Variants in RUBCN observed in about 807,000 individuals in gnomAD.
RUBCN encodes the protein run domain Beclin-1-interacting and cysteine-rich domain-containing protein.
RUBCN carries 74 observed loss-of-function variants against 113.2 expected under a neutral mutation model. The ratio of observed to expected loss-of-function variants is 0.65; its 90% CI spans 0.54 to 0.79. The LOEUF (loss-of-function observed/expected upper bound fraction) is 0.79. Among genes scored for constraint, RUBCN ranks in the 30% least tolerant of loss-of-function variants. The probability of loss-of-function intolerance (pLI) is 0.00; values close to 1 mark genes in which losing one functional copy is unlikely to be tolerated. For synonymous variants in RUBCN, 480 were observed against 490.0 expected (o/e 0.98, Z 0.27); for missense variants, 1,109 against 1,251.7 (o/e 0.89, Z 1.72).
At position 197,705,165 on chromosome 3, in the gene RUBCN, C is replaced by G. The variant is rs61743568; in HGVS notation, c.230G>C (p.Arg77Pro). Reference sequence around the variant, plus strand: ...CACGAACTGCCAGTAATCCGTCTGGCGGCGGCACGCCTGCAAAGGGAACAC... The same window carrying G: ...CACGAACTGCCAGTAATCCGTCTGGGGGCGGCACGCCTGCAAAGGGAACAC... ...HGLIRDQACR[R>P]QTDYWQFVKD... is the part of the protein sequence containing the mutation. Residue 77 changes from arginine (R) to proline (P), a missense_variant, in exon 3 of 20, where the codon CGC (arginine) becomes CCC (proline). This residue lies in a region of RUBCN where 736 missense variants were observed against 779.6 expected (regional missense o/e 0.94). Coordinates refer to ENST00000296343, the MANE Select transcript of RUBCN (RefSeq NM_014687.4). The G allele has an allele frequency of 6.2e-7, 1 of 1,613,808 alleles. No individual in the cohort carries two copies. Among genetic ancestry groups the G allele is most frequent in the Non-Finnish European group, 8.5e-7 (1 of 1,179,784 alleles).
At chr3:197,703,678 G>C in intron 4 of RUBCN, 24 bp from the exon 5 acceptor site, 1 of 1,491,496 alleles carries the variant, frequency 6.7e-7, no homozygotes, top group Non-Finnish European at 9.3e-7. Context: ...AGCTGCCACA[G>C]TGATAGAGCC....
intron 11 of RUBCN, 35 bp from the exon 12 acceptor site, chr3:197,684,252 G>C: frequency 6.4e-7 from 1 of 1,559,372 alleles, no homozygotes; most frequent in Non-Finnish European, 8.8e-7. Flanking sequence ...GAGCGCAATG[G>C]AAACGGGGTG....
Position 197,696,948 on chromosome 3 carries a change from A to G in RUBCN, c.1357+6T>C. The G allele has an allele frequency of 6.6e-7, 1 of 1,515,674 alleles. No individual in the cohort carries two copies. Among genetic ancestry groups the G allele is most frequent in the Non-Finnish European group, 9.2e-7 (1 of 1,090,244 alleles). 93.9% of individuals were successfully genotyped at this position (1,515,674 alleles called of 1,614,324 possible). A position where few individuals can be genotyped will look rare whatever the true frequency, so the allele number is the denominator to read the frequency against. On this transcript the variant is annotated splice_donor_region_variant and intron_variant, in intron 8 of 19. Transcript: ENST00000296343. ...CAATTTTAGCCCTGGCCTTCCTAGT[A>G]CTCACCATATTCCATGTACAGAGAG...
At chr3:197,688,095 C>T (rs2108867798) in intron 11 of RUBCN, among the ~76,000 whole-genome samples, 1 of 152,232 alleles carries the variant, frequency 6.6e-6, no homozygotes, top group South Asian at 2.1e-4. Flanking sequence ...GGCATGATCT[C>T]GGCTCACTGC....
In RUBCN at chr3:197,683,196, G is replaced by T; in HGVS notation, c.1980+111C>A. 1 of 1,330,422 alleles carries T rather than the reference G, an allele frequency of 7.5e-7. No homozygotes were observed. The highest frequency in any genetic ancestry group is 1.4e-5 in the African/African-American group (1 of 69,486). The allele number at this position is 1,330,422 out of a possible 1,614,324, so 82.4% of individuals were successfully genotyped here. On this transcript the variant is annotated intron_variant, in intron 13 of 19. Coordinates refer to ENST00000296343, the MANE Select transcript of RUBCN (RefSeq NM_014687.4). This position sits in a 1 kb window ranked among gnomAD's most constrained non-coding sequence, Gnocchi z 4.6. ...ACATTGTAATGAATGGCTTCCACGA[G>T]TAAGGGGGGAACACCCAGGCTCATT...
exon 1 of RUBCN, chr3:197,749,639 T>A (rs1728922158): frequency 2.1e-6 from 2 of 939,378 alleles, no homozygotes; most frequent in Non-Finnish European, 3.1e-6. Context: ...ACTGAAGGCA[T>A]AAGATTCAGA....
chr3:197,728,406 A>G (rs1465747012), intron 1 of RUBCN, among the ~76,000 whole-genome samples: 1 of 152,234 alleles, frequency 6.6e-6, no homozygotes, highest in East Asian at 1.9e-4. Context: ...TCATGTGATC[A>G]TCCTGCTTTG....
intron 16 of RUBCN, among the ~76,000 whole-genome samples, 199 bp from the exon 17 acceptor site, chr3:197,677,740 C>T (rs1194100883): frequency 6.6e-6 from 1 of 151,944 alleles, no homozygotes; most frequent in African/African-American, 2.4e-5. Context: ...TTGTCCCACA[C>T]TCTGACTGAC....
intron 16 of RUBCN, among the ~76,000 whole-genome samples, chr3:197,680,504 G>A (rs1460223194): frequency 2.0e-4 from 27 of 136,118 alleles, no homozygotes; most frequent in African/African-American, 7.3e-4. Context: ...AACTCGACAA[G>A]TGGCTTCAGA....
chr3:197,727,375 T>G (rs1464094817), intron 1 of RUBCN, among the ~76,000 whole-genome samples: 1 of 152,214 alleles, frequency 6.6e-6, no homozygotes, highest in African/African-American at 2.4e-5. Flanking sequence ...GAGCAGAGAA[T>G]AATATTCTCT....
rs929641704 is a variant in RUBCN, at chr3:197,675,637, G to C, written c.2647-122C>G. The C allele has an allele frequency of 3.2e-5, 25 of 776,100 alleles. No homozygotes were observed. The highest frequency in any genetic ancestry group is 3.5e-4 in the Middle Eastern group (1 of 2,862). The allele number at this position is 776,100 out of a possible 1,614,324, so 48.1% of individuals were successfully genotyped here. On this transcript the variant is annotated intron_variant, in intron 18 of 19. Transcript: ENST00000296343. The surrounding 1 kb of genome is among the most constrained non-coding windows in gnomAD (Gnocchi z 4.4). ...CTGCTGCCCACAGGGAGGAGGCCTGGGCTGGACTCAGAAGCATGAAAGCTA... is the reference window on the plus strand; with the variant it reads ...CTGCTGCCCACAGGGAGGAGGCCTGCGCTGGACTCAGAAGCATGAAAGCTA...
At chr3:197,734,390 T>G (rs562277988) in intron 1 of RUBCN, among the ~76,000 whole-genome samples, 1 of 148,272 alleles carries the variant, frequency 6.7e-6, no homozygotes, top group Non-Finnish European at 1.5e-5. Context: ...GGCAACATAG[T>G]GAGACCCTGT....
At chr3:197,678,482 G>A (rs1487798628) in intron 16 of RUBCN, among the ~76,000 whole-genome samples, 3 of 145,686 alleles carry the variant, frequency 2.1e-5, no homozygotes, top group African/African-American at 5.2e-5. Context: ...ACTGTCCTAC[G>A]CTCTAACTGA....
At position 197,671,115 on chromosome 3, in the gene RUBCN, A is replaced by T. The variant is rs1416475170; in HGVS notation, c.*3903T>A. Among the ~76,000 whole-genome samples the T allele has an allele frequency of 6.6e-6, 1 of 152,126 alleles. No individual in the cohort carries two copies. The highest frequency in any genetic ancestry group is 2.4e-5 in the African/African-American group (1 of 41,400). The stretch of plus-strand genomic sequence containing the variant: ...CTGCAGCCCTCGCCTTCCAGGTTCA[A>T]GTGATTCTCATGATTCAGCCTCCCG... On this transcript the variant is annotated 3_prime_UTR_variant, in exon 20 of 20. Transcript: ENST00000296343.
chr3:197,746,055 G>T (rs181615272), intron 1 of RUBCN, among the ~76,000 whole-genome samples: 2 of 151,976 alleles, frequency 1.3e-5, no homozygotes, highest in Non-Finnish European at 2.9e-5. Context: ...AGAAAGAAAA[G>T]TATGAGGTTG....
At chr3:197,676,568 C>T in intron 18 of RUBCN, 1 of 1,213,804 alleles carries the variant, frequency 8.2e-7, no homozygotes, top group Non-Finnish European at 1.0e-6. Context: ...CCACCTCGGC[C>T]TCCCAAATTG....
In RUBCN at chr3:197,694,558, A is replaced by C. The variant is rs761284261; in HGVS notation, c.1501T>G (p.Ser501Ala). The change falls in exon 10 of 20, where the codon TCC becomes GCC. Residue 501 changes from serine to alanine, a missense_variant. Transcript: ENST00000296343. ...ATTAGCTCGATGGCAGCAATTAAGGACTCTGAGATGCTGAAGTGGGCATTC... is the reference window on the plus strand; with the variant it reads ...ATTAGCTCGATGGCAGCAATTAAGGCCTCTGAGATGCTGAAGTGGGCATTC... ...KENAHFSISESLIAAIELMKC... is the reference protein window; with the variant it reads ...KENAHFSISEALIAAIELMKC... 6.2e-7 allele frequency: 1 copy of C among 1,614,090 alleles called. No individual in the cohort carries two copies. Among genetic ancestry groups the C allele is most frequent in the Non-Finnish European group, 8.5e-7 (1 of 1,179,998 alleles).
chr3:197,737,086 C>A (rs114189938), upstream of RUBCN: 2 of 397,010 alleles, frequency 5.0e-6, no homozygotes, highest in Non-Finnish European at 7.7e-6. Flanking sequence ...CCCTCCAATC[C>A]CAGGCCGCGC....
intron 7 of RUBCN, chr3:197,699,143 TCA>T: frequency 7.1e-7 from 1 of 1,417,274 alleles, no homozygotes; most frequent in Non-Finnish European, 9.8e-7. Context: ...AGAAAGGTGG[TCA>T]CAAAACAGAA....
Sources: gnomAD v4.1 joint callset for allele counts (sites outside exome capture counted in the v4.1 genomes callset) on GRCh38, gnomAD v4.1.1 for gene constraint, gnomAD v4.1.1 regional missense constraint, Gnocchi (gnomAD v3.1) non-coding constraint, MANE v1.5 for transcripts, NCBI Gene and HGNC (gene_info 2026-07-23, HGNC 2026-07-21) for gene names.